The following IQSEC1 variants were observed in gnomAD, a reference collection of about 807,000 sequenced individuals.
IQSEC1 encodes the protein IQ motif and Sec7 domain ArfGEF 1, also known as IQ motif and SEC7 domain-containing protein 1.
A neutral mutation model predicts 91.0 loss-of-function variants in IQSEC1; 31 were observed. That is an observed-to-expected ratio of 0.34 (90% CI 0.26 to 0.46). The LOEUF is 0.46. IQSEC1 is among the 20% of genes least tolerant of loss of function. The probability of loss-of-function intolerance (pLI) is 1.00; values close to 1 mark genes in which losing one functional copy is unlikely to be tolerated. For synonymous variants in IQSEC1, 699 were observed against 662.6 expected (o/e 1.05, Z -0.84); for missense variants, 1,388 against 1,575.6 (o/e 0.88, Z 2.02).
intron 2 of IQSEC1, among the ~76,000 whole-genome samples, chr3:13,144,453 A>G (rs1706854495): frequency 6.6e-6 from 1 of 151,866 alleles, no homozygotes; most frequent in African/African-American, 2.4e-5. Context: ...TCCTGCCTTC[A>G]CCACCTCCCC....
rs1050608390 is a variant in IQSEC1 at position 13,199,026 on chromosome 3, T to C, written c.273-34893A>G. Among the ~76,000 whole-genome samples the C allele has an allele frequency of 6.5e-4, 99 of 152,084 alleles. 1 individual carries two copies. Among genetic ancestry groups the C allele is most frequent in the African/African-American group, 2.4e-3 (98 of 41,394 alleles). On this transcript the variant is annotated intron_variant, in intron 1 of 15. Coordinates refer to the IQSEC1 transcript ENST00000648114. The stretch of plus-strand genomic sequence containing the variant: ...GTAATGTTTTAACTTGCTTCCATAA[T>C]GAAAACCCATGCACATAAAGGGTGT...
At chr3:13,264,205 A>G (rs1264492680) in intron 1 of IQSEC1, among the ~76,000 whole-genome samples, 1 of 152,244 alleles carries the variant, frequency 6.6e-6, no homozygotes, top group African/African-American at 2.4e-5. Context: ...CCCAGCCTCC[A>G]GTTCAGGCTT....
At chr3:13,090,941 C>T (rs751369820) in intron 2 of IQSEC1, among the ~76,000 whole-genome samples, 3 of 152,290 alleles carry the variant, frequency 2.0e-5, no homozygotes, top group African/African-American at 4.8e-5. Flanking sequence ...ACCCCAGCCG[C>T]GGGGACAGCA....
chr3:13,099,005 T>C (rs1332038515), intron 2 of IQSEC1, among the ~76,000 whole-genome samples: 1 of 152,226 alleles, frequency 6.6e-6, no homozygotes, highest in Non-Finnish European at 1.5e-5. Context: ...TAGCGATCAG[T>C]TCCAGAAAAG....
intron 1 of IQSEC1, among the ~76,000 whole-genome samples, chr3:12,944,585 G>A (rs1221020771): frequency 6.6e-6 from 1 of 152,222 alleles, no homozygotes; most frequent in African/African-American, 2.4e-5. Flanking sequence ...CAGCCCGAGG[G>A]CACATCACAC....
rs552733243 is a variant in IQSEC1 at position 13,112,722 on chromosome 3, G to A, written c.302+51382C>T. 2.2e-4 allele frequency among the ~76,000 whole-genome samples: 33 copies of A among 152,296 alleles called. No individual in the cohort carries two copies. In the South Asian group the frequency reaches 4.3e-3, roughly 20 times the overall value. On this transcript the variant is annotated intron_variant, in intron 2 of 15. Transcript: ENST00000648114. Reference sequence around the variant, plus strand: ...CCTGCTGGCCTGCAGCTTTGGGTACGGGGGCGAGCAGGCCCACCTGCCCCT... The same window carrying A: ...CCTGCTGGCCTGCAGCTTTGGGTACAGGGGCGAGCAGGCCCACCTGCCCCT...
At chr3:12,937,143 G>A (rs1430724586) in intron 2 of IQSEC1, among the ~76,000 whole-genome samples, 1 of 152,114 alleles carries the variant, frequency 6.6e-6, no homozygotes, top group Non-Finnish European at 1.5e-5. Flanking sequence ...ATGTTGGCCA[G>A]GCTGGTCTTG....
intron 2 of IQSEC1, among the ~76,000 whole-genome samples, chr3:13,105,207 C>T (rs1706133051): frequency 6.6e-6 from 1 of 152,158 alleles, no homozygotes; most frequent in Non-Finnish European, 1.5e-5. Flanking sequence ...ACACCCTCTA[C>T]TCAGAACAGC....
At chr3:13,241,171 C>G (rs537635478) in intron 1 of IQSEC1, among the ~76,000 whole-genome samples, 7 of 152,288 alleles carry the variant, frequency 4.6e-5, no homozygotes, top group Admixed American at 4.6e-4. Context: ...AGAATTCCCA[C>G]GATTGAACTG....
In IQSEC1 at chr3:12,940,215, AGCAC is replaced by A. The variant is rs1438052747; in HGVS notation, c.318+1352_318+1355del. On this transcript the variant is annotated intron_variant, in intron 2 of 13. Transcript: ENST00000613206. The surrounding 1 kb of genome is among the most constrained non-coding windows in gnomAD (Gnocchi z 4.4). ...GTCGGTCCGGCCTAAGTTGCAAGGC[AGCAC>A]CGACAGCCAGGTGAGGAAGGGGCTG... Among the ~76,000 whole-genome samples the A allele has an allele frequency of 1.3e-5, 2 of 151,992 alleles. No individual in the cohort carries two copies. The highest frequency in any genetic ancestry group is 1.3e-4 in the Admixed American group (2 of 15,256).
intron 1 of IQSEC1, among the ~76,000 whole-genome samples, chr3:13,175,070 C>T (rs1416293370): frequency 6.6e-6 from 1 of 152,138 alleles, no homozygotes; most frequent in African/African-American, 2.4e-5. Context: ...ATACCCAGAC[C>T]CACCAGGGTG....
chr3:13,265,298 C>T (rs1176573863), intron 1 of IQSEC1, among the ~76,000 whole-genome samples: 2 of 124,424 alleles, frequency 1.6e-5, no homozygotes, highest in Non-Finnish European at 3.4e-5. Context: ...GGCAGAGCCT[C>T]TGCCTGTGCA....
In IQSEC1 at chr3:13,214,633, C is replaced by T. The variant is rs189826487; in HGVS notation, c.273-50500G>A. Among the ~76,000 whole-genome samples, 105 of 152,362 alleles carry T rather than the reference C, an allele frequency of 6.9e-4. No individual in the cohort carries two copies. The highest frequency in any genetic ancestry group is 2.4e-3 in the African/African-American group (99 of 41,590). On this transcript the variant is annotated intron_variant, in intron 1 of 15. Transcript: ENST00000648114. This position sits in a 1 kb window ranked among gnomAD's most constrained non-coding sequence, Gnocchi z 4.5. Reference sequence around the variant, plus strand: ...TGAGGAGGGGGCACCTCCAGGAATCCACCCTGGCAAGAGCAGGGCCACGGT... The same window carrying T: ...TGAGGAGGGGGCACCTCCAGGAATCTACCCTGGCAAGAGCAGGGCCACGGT...
intron 1 of IQSEC1, among the ~76,000 whole-genome samples, chr3:13,269,301 G>T (rs1400267699): frequency 6.6e-6 from 1 of 152,226 alleles, no homozygotes; most frequent in Admixed American, 6.5e-5. Flanking sequence ...TGAGAAGGCA[G>T]CGCTCTCAGT....
chr3:13,084,921 CA>C (rs1361043252), intron 2 of IQSEC1, among the ~76,000 whole-genome samples: 1 of 121,522 alleles, frequency 8.2e-6, no homozygotes, highest in Non-Finnish European at 1.6e-5. Flanking sequence ...GTATGGGATG[CA>C]AAAGGCCTGA....
intron 1 of IQSEC1, among the ~76,000 whole-genome samples, chr3:13,019,679 A>G (rs1174337507): frequency 6.6e-6 from 1 of 152,066 alleles, no homozygotes; most frequent in African/African-American, 2.4e-5. Flanking sequence ...TCCCCAGTTA[A>G]CCACAGGGGC....
intron 1 of IQSEC1, among the ~76,000 whole-genome samples, chr3:13,071,695 G>A (rs1051827538): frequency 2.6e-5 from 4 of 152,148 alleles, no homozygotes; most frequent in South Asian, 2.1e-4. Context: ...GCATCACAGC[G>A]AACCAGAGGC....
chr3:12,941,642 C>G lies in IQSEC1; in HGVS notation c.247G>C (p.Glu83Gln), dbSNP rs1294739176. The G allele has an allele frequency of 6.2e-7, 1 of 1,612,576 alleles. No individual in the cohort carries two copies. The highest frequency in any genetic ancestry group is 1.7e-5 in the Admixed American group (1 of 59,952). The change falls in exon 2 of 14, where the codon GAG becomes CAG. Residue 83 changes from glutamate (E) to glutamine (Q), a missense_variant. By Grantham distance (29) the Glu-to-Gln change is conservative. This residue lies in a region of IQSEC1 where 1,059 missense variants were observed against 1,317.8 expected (regional missense o/e 0.80). Coordinates refer to ENST00000613206, the MANE Select transcript of IQSEC1 (RefSeq NM_001134382.3). ...STSILRKQAEEEAIKRSRSLS... is the reference protein window; with the variant it reads ...STSILRKQAEQEAIKRSRSLS... ...GAGCGTGAGCGCTTGATGGCCTCCT[C>G]CTCAGCCTGCTTGCGCAGGATGGAG...
chr3:13,074,639 C>T (rs955919476), upstream of IQSEC1, among the ~76,000 whole-genome samples: 6 of 152,308 alleles, frequency 3.9e-5, no homozygotes, highest in East Asian at 3.9e-4. Context: ...ACATAGCTGG[C>T]GGGCAGTCTG....
Sources: allele counts gnomAD v4.1 joint callset (sites outside exome capture counted in the v4.1 genomes callset), GRCh38; gene constraint gnomAD v4.1.1; regional missense constraint gnomAD v4.1.1; non-coding constraint Gnocchi (gnomAD v3.1); transcripts MANE v1.5; gene names NCBI Gene and HGNC (gene_info 2026-07-23, HGNC 2026-07-21).